The following CCDC192 variants were observed in gnomAD, a reference collection of about 807,000 sequenced individuals.
The protein encoded by CCDC192 is coiled-coil domain-containing protein 192.
intron 5 of CCDC192, among the ~76,000 whole-genome samples, chr5:127,845,726 A>G (rs2067982914): frequency 6.6e-6 from 1 of 152,216 alleles, no homozygotes; most frequent in African/African-American, 2.4e-5. Flanking sequence ...AACAGAATGC[A>G]ATTTTAAAAA....
At chr5:127,866,847 G>A (rs1751636203) in intron 5 of CCDC192, among the ~76,000 whole-genome samples, 1 of 151,986 alleles carries the variant, frequency 6.6e-6, no homozygotes, top group South Asian at 2.1e-4. Context: ...GTATTTTATG[G>A]GAAAATAATA....
intron 6 of CCDC192, among the ~76,000 whole-genome samples, chr5:127,926,320 A>G (rs1392956156): frequency 1.3e-5 from 2 of 152,198 alleles, no homozygotes; most frequent in Admixed American, 1.3e-4. Flanking sequence ...CACTTTAACA[A>G]TCTGATAAGT....
intron 6 of CCDC192, among the ~76,000 whole-genome samples, chr5:127,919,215 C>T (rs1479979291): frequency 6.6e-6 from 1 of 151,826 alleles, no homozygotes; most frequent in Non-Finnish European, 1.5e-5. Flanking sequence ...TACTTGACTG[C>T]CAGAGTCAGG....
intron 6 of CCDC192, among the ~76,000 whole-genome samples, chr5:127,930,975 G>T (rs901559000): frequency 6.6e-6 from 1 of 152,230 alleles, no homozygotes; most frequent in Non-Finnish European, 1.5e-5. Flanking sequence ...GCAAAGATGT[G>T]TATGCAAACA....
chr5:127,761,996 A>G (rs960759305), intron 3 of CCDC192, among the ~76,000 whole-genome samples: 2 of 152,244 alleles, frequency 1.3e-5, no homozygotes, highest in Admixed American at 6.5e-5. Flanking sequence ...TTGATACTGA[A>G]TTTGTGTATT....
chr5:127,884,342 CAAAAAAA>C (rs778430655), intron 6 of CCDC192, among the ~76,000 whole-genome samples: 53 of 11,838 alleles, frequency 4.5e-3, no homozygotes, highest in Middle Eastern at 0.062. Flanking sequence ...GACTCCGTCT[CAAAAAAA>C]AAAAAAAAAA....
chr5:127,823,146 C>T (rs891736253), intron 5 of CCDC192, among the ~76,000 whole-genome samples: 19 of 152,204 alleles, frequency 1.2e-4, no homozygotes, highest in Non-Finnish European at 1.8e-4. Context: ...ATTTGTGCTT[C>T]TCCTCTGAGT....
chr5:127,907,298 T>C (rs1753224990), intron 6 of CCDC192, among the ~76,000 whole-genome samples: 1 of 152,134 alleles, frequency 6.6e-6, no homozygotes, highest in Non-Finnish European at 1.5e-5. Context: ...AGGGGTATTT[T>C]TTTCAAATTT....
At chr5:127,757,925 A>C (rs1754702058) in intron 3 of CCDC192, among the ~76,000 whole-genome samples, 1 of 151,606 alleles carries the variant, frequency 6.6e-6, no homozygotes, top group African/African-American at 2.4e-5. Context: ...ATTTGTCACA[A>C]GGATGTTGGG....
rs80321561 is a variant in CCDC192, at chr5:127,798,817, C to T, written c.411+655C>T. Among the ~76,000 whole-genome samples, 492 of 151,638 alleles carry T rather than the reference C, an allele frequency of 3.2e-3. 4 individuals are homozygous for T. Among genetic ancestry groups the T allele is most frequent in the African/African-American group, 0.011 (471 of 41,340 alleles). On this transcript the variant is annotated intron_variant, in intron 5 of 6. Coordinates refer to ENST00000514853, the MANE Select transcript of CCDC192 (RefSeq NM_001317938.2). The stretch of plus-strand genomic sequence containing the variant: ...TAAACCAATCAGACTACATAGTTGC[C>T]CATTTTCTCCTGCAAGTACTCGCCT...
chr5:127,707,081 T>C (rs1407303422), intron 1 of CCDC192, among the ~76,000 whole-genome samples: 1 of 152,212 alleles, frequency 6.6e-6, no homozygotes, highest in African/African-American at 2.4e-5. Context: ...ATTGGACAAG[T>C]GCAGTTTCTG....
intron 5 of CCDC192, among the ~76,000 whole-genome samples, chr5:127,799,749 C>T (rs974879896): frequency 3.3e-5 from 5 of 152,122 alleles, no homozygotes; most frequent in Non-Finnish European, 7.4e-5. Context: ...GCTGTTACTG[C>T]TTGAGACTTG....
intron 5 of CCDC192, among the ~76,000 whole-genome samples, chr5:127,841,652 T>C (rs757618655): frequency 6.6e-6 from 1 of 152,150 alleles, no homozygotes; most frequent in Non-Finnish European, 1.5e-5. Flanking sequence ...GGCCCTGTGG[T>C]CCATGCTGAG....
chr5:127,792,617 G>A (rs1352659612), intron 3 of CCDC192, among the ~76,000 whole-genome samples: 1 of 151,456 alleles, frequency 6.6e-6, no homozygotes, highest in African/African-American at 2.4e-5. Context: ...GAGATGGGAG[G>A]ATGGCTCGAG....
intron 6 of CCDC192, among the ~76,000 whole-genome samples, chr5:127,901,278 T>C (rs939389519): frequency 2.0e-5 from 3 of 152,194 alleles, no homozygotes; most frequent in African/African-American, 7.2e-5. Flanking sequence ...AGGTAATATC[T>C]TAAAAAAATT....
intron 6 of CCDC192, among the ~76,000 whole-genome samples, chr5:127,876,779 C>A (rs560839724): frequency 2.6e-5 from 4 of 152,194 alleles, no homozygotes; most frequent in African/African-American, 7.2e-5. Context: ...AAGGGAGACA[C>A]TCCCAGCACC....
At chr5:127,869,077 C>T (rs982388774) in intron 5 of CCDC192, among the ~76,000 whole-genome samples, 9 of 152,098 alleles carry the variant, frequency 5.9e-5, no homozygotes, top group African/African-American at 2.2e-4. Flanking sequence ...AATCGCAGCA[C>T]TTTGGGAGGC....
At chr5:127,707,462 T>C (rs1227604889) in intron 1 of CCDC192, among the ~76,000 whole-genome samples, 2 of 152,164 alleles carry the variant, frequency 1.3e-5, no homozygotes, top group Admixed American at 1.3e-4. Context: ...CAGATTGTAC[T>C]GTTCAGACTA....
chr5:127,798,583 T>G (rs1274342918), intron 5 of CCDC192, among the ~76,000 whole-genome samples: 1 of 152,136 alleles, frequency 6.6e-6, no homozygotes, highest in Admixed American at 6.6e-5. Context: ...AACAAATTAC[T>G]CAGATTCTGT....
Sources: allele counts gnomAD v4.1 joint callset (sites outside exome capture counted in the v4.1 genomes callset), GRCh38; gene constraint gnomAD v4.1.1; transcripts MANE v1.5; gene names NCBI Gene and HGNC (gene_info 2026-07-23, HGNC 2026-07-21).